The following NEGR1 variants were observed in gnomAD, a reference collection of about 807,000 sequenced individuals.
The protein encoded by NEGR1 is neuronal growth regulator 1, also known as IgLON family member 4.
NEGR1 carries 10 observed loss-of-function variants against 40.9 expected under a neutral mutation model. The observed-to-expected ratio is 0.24, with a 90% CI of 0.15 to 0.42. NEGR1 has a LOEUF of 0.42. Among genes scored for constraint, NEGR1 ranks in the 10% least tolerant of loss-of-function variants. NEGR1 has a pLI of 1.00. For synonymous variants in NEGR1, 185 were observed against 166.8 expected (o/e 1.11, Z -0.84); for missense variants, 352 against 438.9 (o/e 0.80, Z 1.77).
chr1:72,201,239 A>G (rs1237139475), intron 1 of NEGR1, among the ~76,000 whole-genome samples: 2 of 151,580 alleles, frequency 1.3e-5, no homozygotes, highest in South Asian at 4.1e-4. Context: ...ATAGCTTTGA[A>G]ATAAAGTATA....
chr1:71,528,050 G>A (rs1647247005), intron 6 of NEGR1, among the ~76,000 whole-genome samples: 1 of 151,254 alleles, frequency 6.6e-6, no homozygotes, highest in African/African-American at 2.4e-5. Context: ...CAAACGCTTT[G>A]CTAAGTGGTT....
chr1:71,819,064 T>C (rs1658329485), intron 2 of NEGR1, among the ~76,000 whole-genome samples: 1 of 151,956 alleles, frequency 6.6e-6, no homozygotes, highest in Non-Finnish European at 1.5e-5. Flanking sequence ...TCTGTTCTAG[T>C]GAGGGGCTAA....
intron 1 of NEGR1, among the ~76,000 whole-genome samples, chr1:72,269,930 G>A (rs949718622): frequency 6.6e-6 from 1 of 151,602 alleles, no homozygotes; most frequent in African/African-American, 2.4e-5. Context: ...ATACTTTCTC[G>A]ATGTTTTTAA....
At chr1:72,193,658 A>ATT (rs34453829) in intron 1 of NEGR1, among the ~76,000 whole-genome samples, 4 of 150,696 alleles carry the variant, frequency 2.7e-5, no homozygotes, top group African/African-American at 9.7e-5. Context: ...AAATATATAT[A>ATT]TTTTTCATAT....
At chr1:72,176,513 T>G (rs975971977) in intron 1 of NEGR1, among the ~76,000 whole-genome samples, 1 of 151,992 alleles carries the variant, frequency 6.6e-6, no homozygotes. Context: ...AAGGACTAAA[T>G]CTAGCTCCAG....
chr1:71,969,440 C>T (rs1375966665), intron 1 of NEGR1, among the ~76,000 whole-genome samples: 2 of 152,178 alleles, frequency 1.3e-5, no homozygotes, highest in African/African-American at 2.4e-5. Context: ...GTTTAGTGAG[C>T]TCTAGAAAAA....
At chr1:71,585,698 T>TC (rs1371080657) in intron 6 of NEGR1, among the ~76,000 whole-genome samples, 1 of 150,632 alleles carries the variant, frequency 6.6e-6, no homozygotes, top group African/African-American at 2.4e-5. Context: ...CTTTTTTTTT[T>TC]TTTTTTTTTT....
At chr1:71,981,884 A>T (rs1349843016) in intron 1 of NEGR1, among the ~76,000 whole-genome samples, 1 of 152,184 alleles carries the variant, frequency 6.6e-6, no homozygotes, top group Non-Finnish European at 1.5e-5. Context: ...CTATTAAAAA[A>T]TTTCAAATGC....
chr1:72,146,774 T>C (rs917696874), intron 1 of NEGR1, among the ~76,000 whole-genome samples: 1 of 152,230 alleles, frequency 6.6e-6, no homozygotes, highest in Non-Finnish European at 1.5e-5. Flanking sequence ...ACCTCTATTG[T>C]ATCTGTAAAG....
chr1:71,918,160 T>C (rs1323809798), intron 2 of NEGR1, among the ~76,000 whole-genome samples: 2 of 128,752 alleles, frequency 1.6e-5, no homozygotes, highest in Admixed American at 9.9e-5. Context: ...GAGGTTGCAG[T>C]GAGCCGAGAT....
At chr1:71,895,531 T>C (rs1452647148) in intron 2 of NEGR1, among the ~76,000 whole-genome samples, 1 of 152,224 alleles carries the variant, frequency 6.6e-6, no homozygotes, top group Non-Finnish European at 1.5e-5. Flanking sequence ...AGACATCTCA[T>C]ATAAATGGAA....
In NEGR1 at chr1:72,094,553, C is replaced by T. The variant is rs145764181; in HGVS notation, c.177-159242G>A. ...TAACTTACCACCAACAGACAGTCCA[C>T]CTGGAACCCTCCAATTCAGAGAGAC... is the stretch of plus-strand genomic sequence containing the variant. On this transcript the variant is annotated intron_variant, in intron 1 of 6. Transcript: ENST00000357731. 5.1e-4 allele frequency among the ~76,000 whole-genome samples: 78 copies of T among 152,284 alleles called. No homozygotes were observed. The East Asian group carries it at 0.014, about 26-fold the overall frequency.
chr1:71,434,044 C>T (rs879744011), intron 6 of NEGR1, among the ~76,000 whole-genome samples: 1 of 152,064 alleles, frequency 6.6e-6, no homozygotes, highest in Non-Finnish European at 1.5e-5. Flanking sequence ...ATGCAGTTAA[C>T]CTTTGAACAA....
intron 1 of NEGR1, among the ~76,000 whole-genome samples, chr1:72,173,823 A>C (rs752614874): frequency 1.3e-5 from 2 of 152,220 alleles, no homozygotes; most frequent in Middle Eastern, 6.8e-3. Context: ...GGCACCTGTC[A>C]TCCCAGCTAC....
chr1:71,795,791 A>G (rs1657303298), intron 2 of NEGR1, among the ~76,000 whole-genome samples: 1 of 152,224 alleles, frequency 6.6e-6, no homozygotes, highest in South Asian at 2.1e-4. Context: ...GTATGAAATT[A>G]TGATACCATT....
At chr1:72,096,162 A>G (rs1179194141) in intron 1 of NEGR1, among the ~76,000 whole-genome samples, 4 of 152,134 alleles carry the variant, frequency 2.6e-5, no homozygotes, top group Admixed American at 1.3e-4. Context: ...TACACCAAAT[A>G]ACTAGAAGTG....
intron 1 of NEGR1, among the ~76,000 whole-genome samples, chr1:72,089,571 A>G (rs551145736): frequency 6.0e-4 from 92 of 152,346 alleles, no homozygotes; most frequent in Admixed American, 1.1e-3. Context: ...TTGTAAAATA[A>G]TAGCATTTAT....
chr1:71,694,909 T>C (rs1254593506), intron 4 of NEGR1, among the ~76,000 whole-genome samples: 2 of 151,732 alleles, frequency 1.3e-5, no homozygotes, highest in African/African-American at 2.4e-5. Flanking sequence ...GGAAGGGCTG[T>C]CTTGAACCTG....
At chr1:71,664,718 CTTCT>C (rs1652179888) in intron 4 of NEGR1, among the ~76,000 whole-genome samples, 1 of 151,614 alleles carries the variant, frequency 6.6e-6, no homozygotes, top group African/African-American at 2.4e-5. Context: ...TGCTATTTGG[CTTCT>C]TTGAGAAAAA....
Sources: allele counts gnomAD v4.1 joint callset (sites outside exome capture counted in the v4.1 genomes callset), GRCh38; gene constraint gnomAD v4.1.1; transcripts MANE v1.5; gene names NCBI Gene and HGNC (gene_info 2026-07-23, HGNC 2026-07-21).